VDR: variants seen among roughly 807,000 people sequenced by gnomAD.
VDR encodes vitamin D receptor, also known as vitamin D3 receptor.
A neutral mutation model predicts 39.7 loss-of-function variants in VDR; 19 were observed. That is an observed-to-expected ratio of 0.48 (90% CI 0.33 to 0.70). The LOEUF is 0.70. VDR is among the 30% of genes least tolerant of loss of function. The pLI, the probability that VDR is intolerant of heterozygous loss-of-function variation, is 0.02. For synonymous variants in VDR, 242 were observed against 215.8 expected (o/e 1.12, Z -1.07); for missense variants, 442 against 570.5 (o/e 0.77, Z 2.29).
At chr12:47,869,753 C>T (rs2137177307) in intron 3 of VDR, among the ~76,000 whole-genome samples, 1 of 152,112 alleles carries the variant, frequency 6.6e-6, no homozygotes, top group Non-Finnish European at 1.5e-5. Context: ...AAAAATTAGC[C>T]AGGCATGGTG....
At chr12:47,900,024 G>T in intron 1 of VDR, 4 of 871,940 alleles carry the variant, frequency 4.6e-6, no homozygotes, top group Non-Finnish European at 5.5e-6. Context: ...TGGCCAATGG[G>T]ACAATCAGCA....
At chr12:47,890,410 A>T (rs1251045050) in intron 1 of VDR, among the ~76,000 whole-genome samples, 1 of 149,786 alleles carries the variant, frequency 6.7e-6, no homozygotes, top group Non-Finnish European at 1.5e-5. Flanking sequence ...TCTAACACAT[A>T]AACTAAATTC....
chr12:47,857,072 G>A (rs879746480), intron 6 of VDR, 57 bp downstream of exon 6: 2 of 1,611,176 alleles, frequency 1.2e-6, no homozygotes, highest in Non-Finnish European at 8.5e-7. Flanking sequence ...CAGGGCAGGT[G>A]CGGTGGACTC....
chr12:47,891,776 C>T (rs1718434227), intron 1 of VDR, among the ~76,000 whole-genome samples: 1 of 152,224 alleles, frequency 6.6e-6, no homozygotes, highest in South Asian at 2.1e-4. Flanking sequence ...CCCCCACCTC[C>T]CCCATCATCA....
chr12:47,855,161 C>A (rs965332578), intron 7 of VDR, among the ~76,000 whole-genome samples: 1 of 152,290 alleles, frequency 6.6e-6, no homozygotes, highest in South Asian at 2.1e-4. Flanking sequence ...AACCCCGTCT[C>A]TACTAAAATT....
At chr12:47,852,512 C>T (rs1241627517) in intron 7 of VDR, among the ~76,000 whole-genome samples, 1 of 152,222 alleles carries the variant, frequency 6.6e-6, no homozygotes, top group Non-Finnish European at 1.5e-5. Context: ...CTGTCGCTTG[C>T]TCCTGCTTGC....
chr12:47,904,462 T>TAAA (rs17886628), intron 1 of VDR: 23,716 of 355,470 alleles, frequency 0.067, 1,084 homozygotes, highest in African/African-American at 0.18. Flanking sequence ...CAAAGAAAAG[T>TAAA]AAAAAAAAAA....
chr12:47,862,341 G>C (rs1053190165), intron 4 of VDR, among the ~76,000 whole-genome samples: 3 of 152,228 alleles, frequency 2.0e-5, no homozygotes, highest in Non-Finnish European at 2.9e-5. Flanking sequence ...CTGGGGCCAC[G>C]AGAGGCTGCC....
Position 47,855,600 on chromosome 12 carries a change from T to C in VDR, c.755+30A>G, listed in dbSNP as rs542895852. The C allele has an allele frequency of 3.8e-5, 61 of 1,613,660 alleles. 3 individuals carry two copies. In the South Asian group the frequency reaches 6.3e-4, roughly 17 times the overall value. On this transcript the variant is annotated intron_variant, in intron 7 of 9. Coordinates refer to ENST00000549336, the MANE Select transcript of VDR (RefSeq NM_000376.3). ...GTAGCTCAGTCTAGGACTCTGACTC[T>C]GTTCCCCAGAGATTGCAGAAGTTTC...
rs189251111 is a variant in VDR at position 47,899,049 on chromosome 12, G to A, written c.-84+5906C>T. ...TAATCTTGTGTATGTGATATATCGCGGTTTTTAAAAATGAACAAAAAAGAA... is the reference window on the plus strand; with the variant it reads ...TAATCTTGTGTATGTGATATATCGCAGTTTTTAAAAATGAACAAAAAAGAA... On this transcript the variant is annotated intron_variant, in intron 1 of 9. Transcript: ENST00000549336. Among the ~76,000 whole-genome samples the A allele has an allele frequency of 4.6e-5, 7 of 152,144 alleles. No homozygotes were observed. In the East Asian group the frequency reaches 5.8e-4, roughly 13 times the overall value.
intron 3 of VDR, among the ~76,000 whole-genome samples, chr12:47,877,611 G>A (rs948126891): frequency 7.9e-5 from 12 of 152,222 alleles, no homozygotes; most frequent in African/African-American, 9.6e-5. Flanking sequence ...TGAGGTGTGC[G>A]TTAGATTCCC....
chr12:47,884,034 C>A (rs1565630765), intron 1 of VDR, among the ~76,000 whole-genome samples: 1 of 152,214 alleles, frequency 6.6e-6, no homozygotes, highest in Non-Finnish European at 1.5e-5. Flanking sequence ...CTCCTTTGCC[C>A]CCTCTGCTCC....
intron 9 of VDR, 70 bp from the exon 10 acceptor site, chr12:47,845,075 AC>A: frequency 3.1e-6 from 5 of 1,589,102 alleles, no homozygotes; most frequent in Non-Finnish European, 1.7e-6. Context: ...CAATCCCACC[AC>A]CCCCCACCCA....
intron 7 of VDR, among the ~76,000 whole-genome samples, chr12:47,849,181 A>G (rs1945338053): frequency 6.6e-6 from 1 of 152,164 alleles, no homozygotes; most frequent in African/African-American, 2.4e-5. Flanking sequence ...GCATGTTTAT[A>G]TATAAAGATG....
At chr12:47,864,678 A>G (rs528363966) in intron 4 of VDR, among the ~76,000 whole-genome samples, 5 of 152,368 alleles carry the variant, frequency 3.3e-5, no homozygotes, top group East Asian at 1.9e-4. Context: ...TCTAGGTCCG[A>G]GTAACAGGGA....
intron 1 of VDR, among the ~76,000 whole-genome samples, chr12:47,900,231 T>C (rs1222902961): frequency 6.6e-6 from 1 of 152,186 alleles, no homozygotes; most frequent in African/African-American, 2.4e-5. Flanking sequence ...AGAGGGAGCC[T>C]CCTTCTGAGA....
chr12:47,899,002 C>A (rs1368674233), intron 1 of VDR, among the ~76,000 whole-genome samples: 1 of 152,138 alleles, frequency 6.6e-6, no homozygotes, highest in African/African-American at 2.4e-5. Flanking sequence ...GTATAGGATT[C>A]TTTAATCTAT....
intron 1 of VDR, 136 bp from the exon 2 acceptor site, chr12:47,882,910 G>A (rs1172250706): frequency 1.5e-6 from 1 of 657,514 alleles, no homozygotes; most frequent in Non-Finnish European, 2.5e-6. Flanking sequence ...GAAGTGGCTT[G>A]TTGGGAGCAG....
intron 7 of VDR, among the ~76,000 whole-genome samples, chr12:47,852,220 C>T (rs1333108038): frequency 6.6e-6 from 1 of 152,192 alleles, no homozygotes; most frequent in Non-Finnish European, 1.5e-5. Flanking sequence ...TGGAAAGGGC[C>T]GTGGGGGCCC....
Sources: gnomAD v4.1 joint callset for allele counts (sites outside exome capture counted in the v4.1 genomes callset) on GRCh38, gnomAD v4.1.1 for gene constraint, MANE v1.5 for transcripts, NCBI Gene and HGNC (gene_info 2026-07-23, HGNC 2026-07-21) for gene names.